Variants in LRRC41 observed in about 807,000 individuals in gnomAD.
LRRC41 encodes leucine rich repeat containing 41, also known as leucine-rich repeat-containing protein 41.
Under a neutral mutation model 72.1 loss-of-function variants are expected in LRRC41, and 17 were observed. That is an observed-to-expected ratio of 0.24 (90% CI 0.16 to 0.35). The LOEUF is 0.35. Among genes scored for constraint, LRRC41 ranks in the 10% least tolerant of loss-of-function variants. The probability of loss-of-function intolerance (pLI) is 1.00; values close to 1 mark genes in which losing one functional copy is unlikely to be tolerated. For synonymous variants in LRRC41, 427 were observed against 431.0 expected (o/e 0.99, Z 0.11); for missense variants, 759 against 1,065.0 (o/e 0.71, Z 4.00).
chr1:46,289,071 AAG>A (rs746457699), intron 3 of LRRC41, among the ~76,000 whole-genome samples: 3 of 152,224 alleles, frequency 2.0e-5, no homozygotes, highest in Admixed American at 6.5e-5. Flanking sequence ...TTCTGGCTAT[AAG>A]AGGCACAGGG....
At chr1:46,297,669 G>A (rs1661151502) in intron 2 of LRRC41, 36 bp from the exon 3 acceptor site, 1 of 1,449,248 alleles carries the variant, frequency 6.9e-7, no homozygotes. Flanking sequence ...CTGCTTACTG[G>A]CCACCATGAG....
intron 3 of LRRC41, among the ~76,000 whole-genome samples, chr1:46,291,597 T>C (rs1258304803): frequency 3.5e-5 from 5 of 143,768 alleles, no homozygotes; most frequent in African/African-American, 5.2e-5. Context: ...TCTTGCTCTG[T>C]CGCCCAGGCT....
In LRRC41 at chr1:46,285,414, G is replaced by A; in HGVS notation, c.1443C>T (p.Cys481=). The A allele has an allele frequency of 6.2e-7, 1 of 1,614,162 alleles. No homozygotes were observed. The highest frequency in any genetic ancestry group is 8.5e-7 in the Non-Finnish European group (1 of 1,180,024). The change falls in exon 4 of 10, where the codon TGC becomes TGT. Residue 481 remains cysteine (C), a synonymous_variant. Transcript: ENST00000617190. This position sits in a 1 kb window ranked among gnomAD's most constrained non-coding sequence, Gnocchi z 5.3. ...GTGACACCCAGGAGCTCAGCAGGTGGCATAGTGTCAGGGCTGCCTCTGTGG... is the reference window on the plus strand; with the variant it reads ...GTGACACCCAGGAGCTCAGCAGGTGACATAGTGTCAGGGCTGCCTCTGTGG... The part of the protein sequence containing the change: ...PLSTEAALTL[C]HLLSSWVSLE...
chr1:46,280,594 C>T (rs1660752541), intron 5 of LRRC41, 34 bp from the exon 6 acceptor site: 1 of 1,606,078 alleles, frequency 6.2e-7, no homozygotes, highest in Middle Eastern at 2.1e-4. Context: ...TTCCAGCTGG[C>T]CATCTCTACC....
At position 46,286,037 on chromosome 1, in the gene LRRC41, C is replaced by A. The variant is rs1430958752; in HGVS notation, c.820G>T (p.Ala274Ser). Reference protein sequence around the residue: ...RLCGEASRGRAPSRDEGSLLL... With the variant: ...RLCGEASRGRSPSRDEGSLLL... ...AGGGACCCTTCATCTCGGGATGGGG[C>A]CCGGCCTCGGGAGGCCTCTCCACAG... The change falls in exon 4 of 10, where the codon GCC (alanine) becomes TCC (serine). Residue 274 changes from alanine (A) to serine (S), a missense_variant. By Grantham distance (99) the Ala-to-Ser change is moderately conservative. Coordinates refer to ENST00000617190, the MANE Select transcript of LRRC41 (RefSeq NM_006369.5). The surrounding 1 kb of genome is among the most constrained non-coding windows in gnomAD (Gnocchi z 5.5). 2 of 1,589,600 alleles carry A rather than the reference C, an allele frequency of 1.3e-6. No homozygotes were observed. The highest frequency in any genetic ancestry group is 1.7e-6 in the Non-Finnish European group (2 of 1,166,470).
chr1:46,292,432 A>G (rs1349680345), intron 3 of LRRC41, among the ~76,000 whole-genome samples: 2 of 152,202 alleles, frequency 1.3e-5, no homozygotes, highest in Non-Finnish European at 2.9e-5. Context: ...AAATATTACC[A>G]GATTGCCTAC....
In LRRC41 at chr1:46,278,697, G is replaced by A; in HGVS notation, c.*168C>T. 1.5e-6 allele frequency: 1 copy of A among 662,742 alleles called. No individual in the cohort carries two copies. The allele number at this position is 662,742 out of a possible 1,614,324, so 41.1% of individuals were successfully genotyped here. The stretch of plus-strand genomic sequence containing the variant: ...CCAGCTGTGAGAATGCCTGTTTGCT[G>A]GGCCTCATCAAGGCCTCCAGGACCT... On this transcript the variant is annotated 3_prime_UTR_variant, in exon 10 of 10. Transcript: ENST00000617190.
At chr1:46,289,767 A>T (rs889960680) in intron 3 of LRRC41, among the ~76,000 whole-genome samples, 1 of 152,180 alleles carries the variant, frequency 6.6e-6, no homozygotes, top group Non-Finnish European at 1.5e-5. Flanking sequence ...TCTCCAAAAA[A>T]AAAAGGAGTC....
chr1:46,289,421 C>T (rs1466869022), intron 3 of LRRC41, among the ~76,000 whole-genome samples: 3 of 151,980 alleles, frequency 2.0e-5, no homozygotes, highest in Admixed American at 6.5e-5. Context: ...CACAAATTAA[C>T]GTACGAGCAG....
chr1:46,289,251 C>G (rs1282922062), intron 3 of LRRC41, among the ~76,000 whole-genome samples: 2 of 152,196 alleles, frequency 1.3e-5, no homozygotes, highest in Non-Finnish European at 2.9e-5. Context: ...CAACCTGAAT[C>G]TGGGTCTGCC....
At chr1:46,284,109 A>G (rs547901993) in intron 4 of LRRC41, 2 of 152,474 alleles carry the variant, frequency 1.3e-5, no homozygotes, top group African/African-American at 4.8e-5. Flanking sequence ...TGGTAGGGGT[A>G]TAAGAGGCTG....
At chr1:46,293,820 G>C (rs1661068003) in intron 3 of LRRC41, among the ~76,000 whole-genome samples, 1 of 151,876 alleles carries the variant, frequency 6.6e-6, no homozygotes, top group Non-Finnish European at 1.5e-5. Flanking sequence ...CTGGAGTGCA[G>C]TGGTGCCATC....
chr1:46,278,438 T>C lies in LRRC41; in HGVS notation c.*427A>G. The C allele has an allele frequency of 2.2e-6, 2 of 929,578 alleles. No individual in the cohort carries two copies. The highest frequency in any genetic ancestry group is 3.3e-6 in the Non-Finnish European group (2 of 606,650). The allele number at this position is 929,578 out of a possible 1,614,324, so 57.6% of individuals were successfully genotyped here. On this transcript the variant is annotated 3_prime_UTR_variant, in exon 10 of 10. Coordinates refer to ENST00000617190, the MANE Select transcript of LRRC41 (RefSeq NM_006369.5). ...AAATTTATTTTATAAGAAAAACTTT[T>C]TTGGTTAAAAAAAAGAATAAAGGTA...
chr1:46,282,462 T>C (rs969356922), intron 4 of LRRC41, among the ~76,000 whole-genome samples: 16 of 152,334 alleles, frequency 1.1e-4, no homozygotes, highest in Admixed American at 1.3e-4. Context: ...TGCTAGACAC[T>C]AGTGAGCAGC....
Position 46,302,360 on chromosome 1 carries a change from G to A in LRRC41, c.199+764C>T. On this transcript the variant is annotated intron_variant, in intron 1 of 9. Transcript: ENST00000617190. This position sits in a 1 kb window ranked among gnomAD's most constrained non-coding sequence, Gnocchi z 4.7. ...AGCCGCTCCGGGCCCCCCTCCACTC[G>A]CTCTCCGGTCCCTCCTCGCCGCTCG... 1.0e-6 allele frequency: 1 copy of A among 985,348 alleles called. No homozygotes were observed. Among genetic ancestry groups the A allele is most frequent in the Non-Finnish European group, 1.2e-6 (1 of 829,926 alleles). 61.0% of individuals were successfully genotyped at this position (985,348 alleles called of 1,614,324 possible). A position where few individuals can be genotyped will look rare whatever the true frequency, so the allele number is the denominator to read the frequency against.
chr1:46,303,046 GCCTCGCCCC>G (rs1661279486), intron 1 of LRRC41, 69 bp downstream of exon 1: 7 of 1,344,028 alleles, frequency 5.2e-6, no homozygotes, highest in African/African-American at 1.5e-5. Context: ...GGGCCTCCCG[GCCTCGCCCC>G]CCGCGCCCCC....
rs1283011673 is a variant in LRRC41 at position 46,286,426 on chromosome 1, G to T, written c.431C>A (p.Ser144Tyr). 1 of 1,614,084 alleles carries T rather than the reference G, an allele frequency of 6.2e-7. No individual in the cohort carries two copies. Among genetic ancestry groups the T allele is most frequent in the Non-Finnish European group, 8.5e-7 (1 of 1,180,040 alleles). The change falls in exon 4 of 10, where the codon TCT becomes TAT. Residue 144 changes from serine to tyrosine, a missense_variant. Transcript: ENST00000617190. The surrounding 1 kb of genome is among the most constrained non-coding windows in gnomAD (Gnocchi z 5.5). ...CTGATCACAAAGACGCCTGTCAGAAGACACATCAATGGTCCCACGTAGAAC... is the reference window on the plus strand; with the variant it reads ...CTGATCACAAAGACGCCTGTCAGAATACACATCAATGGTCCCACGTAGAAC... ...SHVLRGTIDV[S>Y]SDRRLCDQRF...
chr1:46,280,336 A>G lies in LRRC41; in HGVS notation c.1922-46T>C, dbSNP rs1249378476. 7 of 1,611,520 alleles carry G rather than the reference A, an allele frequency of 4.3e-6. No individual in the cohort carries two copies. The Admixed American group carries it at 1.0e-4, about 23-fold the overall frequency. On this transcript the variant is annotated intron_variant, in intron 6 of 9. Coordinates refer to ENST00000617190, the MANE Select transcript of LRRC41 (RefSeq NM_006369.5). ...ATGGACCATGGACCTTAGCTTTCCT[A>G]GAGAACAGTGCTAGGTCCCCACCTA... is the stretch of plus-strand genomic sequence containing the variant.
In LRRC41 at chr1:46,278,641, A is replaced by G. The variant is rs1569629656; in HGVS notation, c.*224T>C. 4 of 611,546 alleles carry G rather than the reference A, an allele frequency of 6.5e-6. No homozygotes were observed. Among genetic ancestry groups the G allele is most frequent in the Non-Finnish European group, 1.1e-5 (4 of 349,104 alleles). 37.9% of individuals were successfully genotyped at this position (611,546 alleles called of 1,614,324 possible). Reference sequence around the variant, plus strand: ...AACCTCCTGGCCCAGGGTTCCCAGGATACTGAGTAAGGGGCCCAAAGACTA... The same window carrying G: ...AACCTCCTGGCCCAGGGTTCCCAGGGTACTGAGTAAGGGGCCCAAAGACTA... On this transcript the variant is annotated 3_prime_UTR_variant, in exon 10 of 10. Transcript: ENST00000617190.
Sources: gnomAD v4.1 joint callset for allele counts (sites outside exome capture counted in the v4.1 genomes callset) on GRCh38, gnomAD v4.1.1 for gene constraint, Gnocchi (gnomAD v3.1) non-coding constraint, MANE v1.5 for transcripts, NCBI Gene and HGNC (gene_info 2026-07-23, HGNC 2026-07-21) for gene names.